DNAH7: variants seen among roughly 807,000 people sequenced by gnomAD.
DNAH7 encodes axonemal beta dynein heavy chain 7.
A neutral mutation model predicts 444.6 loss-of-function variants in DNAH7; 397 were observed. The observed-to-expected ratio is 0.89, with a 90% CI of 0.82 to 0.97. DNAH7 has a LOEUF of 0.97. DNAH7 is among the 50% of genes least tolerant of loss of function. The pLI is 0.00. For synonymous variants in DNAH7, 1,636 were observed against 1,624.4 expected, an observed-to-expected ratio of 1.01 and a Z score of -0.17; for missense variants, 4,902 against 4,800.8, an observed-to-expected ratio of 1.02 and a Z score of -0.62.
intron 18 of DNAH7, among the ~76,000 whole-genome samples, chr2:195,958,244 T>C (rs369643775): frequency 2.6e-5 from 4 of 152,188 alleles, no homozygotes; most frequent in African/African-American, 9.6e-5. Flanking sequence ...CTCCTCAGTA[T>C]ACTTGGCATG....
intron 58 of DNAH7, among the ~76,000 whole-genome samples, chr2:195,783,616 C>T (rs890170709): frequency 6.6e-6 from 1 of 152,026 alleles, no homozygotes; most frequent in African/African-American, 2.4e-5. Flanking sequence ...TTTAACTTAA[C>T]TAGTTACACT....
At chr2:195,746,216 G>T (rs1574356805) in intron 63 of DNAH7, among the ~76,000 whole-genome samples, 1 of 79,684 alleles carries the variant, frequency 1.3e-5, no homozygotes. Flanking sequence ...TGATAAAACA[G>T]ACTTTAAACC....
intron 3 of DNAH7, among the ~76,000 whole-genome samples, chr2:196,048,642 A>G (rs1315784974): frequency 6.6e-6 from 1 of 152,162 alleles, no homozygotes; most frequent in African/African-American, 2.4e-5. Flanking sequence ...ACCTAAAACC[A>G]GGGTCTTCAT....
At chr2:195,919,858 C>T (rs971593232) in intron 24 of DNAH7, among the ~76,000 whole-genome samples, 6 of 152,022 alleles carry the variant, frequency 3.9e-5, no homozygotes, top group African/African-American at 1.4e-4. Flanking sequence ...TAAAATGGTA[C>T]ATTTGCTTTT....
chr2:195,772,663 G>C (rs1413404450), intron 60 of DNAH7, among the ~76,000 whole-genome samples: 1 of 151,956 alleles, frequency 6.6e-6, no homozygotes, highest in Non-Finnish European at 1.5e-5. Context: ...TCTTCTTTTA[G>C]ATTTTGTTTC....
chr2:195,777,793 T>C lies in DNAH7; in HGVS notation c.11064+7A>G. 6.2e-7 allele frequency: 1 copy of C among 1,605,186 alleles called. No homozygotes were observed. The highest frequency in any genetic ancestry group is 8.5e-7 in the Non-Finnish European group (1 of 1,173,164). ...CTGCTTTTAGTTTTTTTGAAGGGCA[T>C]ACTTACATCACCAGAAGGAGGAACA... On this transcript the variant is annotated splice_region_variant and intron_variant, in intron 59 of 64. Coordinates refer to ENST00000312428, the MANE Select transcript of DNAH7 (RefSeq NM_018897.3).
At chr2:195,808,979 G>T in intron 52 of DNAH7, 103 bp from the exon 53 acceptor site, 2 of 971,738 alleles carry the variant, frequency 2.1e-6, no homozygotes, top group Non-Finnish European at 3.0e-6. Flanking sequence ...CCAAGTTTCA[G>T]ATGTGGTCTC....
At chr2:195,749,125 A>C (rs1693621256) in intron 63 of DNAH7, among the ~76,000 whole-genome samples, 1 of 152,164 alleles carries the variant, frequency 6.6e-6, no homozygotes, top group Non-Finnish European at 1.5e-5. Context: ...CAATGAACTC[A>C]AACAAATTTA....
At chr2:196,068,568 G>A in intron 1 of DNAH7, 129 bp downstream of exon 1, 1 of 1,231,818 alleles carries the variant, frequency 8.1e-7, no homozygotes, top group Non-Finnish European at 1.1e-6. Flanking sequence ...CCACAAGTGG[G>A]GTGAAGGAAG....
At chr2:195,845,701 G>T (rs1275839240) in intron 46 of DNAH7, among the ~76,000 whole-genome samples, 1 of 152,178 alleles carries the variant, frequency 6.6e-6, no homozygotes, top group Non-Finnish European at 1.5e-5. Flanking sequence ...CAGAAATAAA[G>T]CTGTACACCT....
At chr2:195,756,582 TG>T (rs928938302) in intron 61 of DNAH7, among the ~76,000 whole-genome samples, 6 of 152,116 alleles carry the variant, frequency 3.9e-5, no homozygotes, top group African/African-American at 1.2e-4. Flanking sequence ...GGTGGGATCA[TG>T]GCTCACTGCA....
chr2:195,957,000 A>G (rs1055717441), intron 19 of DNAH7, among the ~76,000 whole-genome samples: 3 of 152,204 alleles, frequency 2.0e-5, no homozygotes, highest in African/African-American at 4.8e-5. Flanking sequence ...AGTGCATCAG[A>G]TAAGAACCAA....
intron 12 of DNAH7, chr2:195,994,903 TCAGA>T (rs1336318573): frequency 2.7e-6 from 1 of 364,876 alleles, no homozygotes; most frequent in East Asian, 6.7e-5. Flanking sequence ...GTCCTCATCC[TCAGA>T]CAGACTGTAG....
chr2:195,886,473 T>C (rs946488429), intron 33 of DNAH7, among the ~76,000 whole-genome samples: 6 of 152,188 alleles, frequency 3.9e-5, no homozygotes, highest in African/African-American at 1.4e-4. Context: ...CTCTTTAACC[T>C]TTCGCATCGA....
chr2:195,874,899 T>A (rs1700956942), intron 38 of DNAH7, among the ~76,000 whole-genome samples: 1 of 152,100 alleles, frequency 6.6e-6, no homozygotes, highest in East Asian at 1.9e-4. Flanking sequence ...ACAAACTGCA[T>A]TACAGGTCAG....
intron 58 of DNAH7, among the ~76,000 whole-genome samples, chr2:195,785,259 G>A (rs1419411142): frequency 1.3e-5 from 2 of 152,160 alleles, no homozygotes; most frequent in Non-Finnish European, 2.9e-5. Flanking sequence ...TGAGTTTTAA[G>A]AGTTTGTTGG....
Position 195,906,916 on chromosome 2 carries a change from T to C in DNAH7, c.4198A>G (p.Ile1400Val). Residue 1400 changes from isoleucine to valine, a missense_variant, in exon 26 of 65, where the codon ATC becomes GTC. By Grantham distance (29) the Ile-to-Val change is conservative (BLOSUM62 3). Coordinates refer to ENST00000312428, the MANE Select transcript of DNAH7 (RefSeq NM_018897.3). Reference sequence around the variant, plus strand: ...CAAACTAGTCCATTACCTCTTTGGATAGTAAGGATTTGTTGAGCAACCACA... The same window carrying C: ...CAAACTAGTCCATTACCTCTTTGGACAGTAAGGATTTGTTGAGCAACCACA... The part of the protein sequence containing the change: ...LSVVAQQILT[I>V]QRGINAGADI... 1 of 1,612,844 alleles carries C rather than the reference T, an allele frequency of 6.2e-7. No homozygotes were observed. The highest frequency in any genetic ancestry group is 1.7e-4 in the Middle Eastern group (1 of 6,046).
At chr2:195,994,852 T>A (rs1175488794) in intron 12 of DNAH7, 1 of 427,932 alleles carries the variant, frequency 2.3e-6, no homozygotes. Flanking sequence ...CTGACTGAGC[T>A]TGGTTGCTTC....
At chr2:195,841,296 T>C (rs1262312260) in intron 47 of DNAH7, among the ~76,000 whole-genome samples, 2 of 151,756 alleles carry the variant, frequency 1.3e-5, no homozygotes, top group African/African-American at 4.8e-5. Context: ...TATATGGATG[T>C]GTGCAATTAT....
Sources: allele counts gnomAD v4.1 joint callset (sites outside exome capture counted in the v4.1 genomes callset), GRCh38; gene constraint gnomAD v4.1.1; transcripts MANE v1.5; gene names NCBI Gene and HGNC (gene_info 2026-07-23, HGNC 2026-07-21).